GAK: variants seen among roughly 807,000 people sequenced by gnomAD.
GAK encodes cyclin G associated kinase.
A neutral mutation model predicts 143.9 loss-of-function variants in GAK; 79 were observed. That is an observed-to-expected ratio of 0.55 (90% confidence interval 0.46 to 0.66). The LOEUF (loss-of-function observed/expected upper bound fraction) is 0.66. Ranked by LOEUF, GAK falls within the 30% of genes least tolerant of loss-of-function variation. GAK has a pLI of 0.00. For synonymous variants in GAK, 881 were observed against 765.5 expected, an observed-to-expected ratio of 1.15 and a Z score of -2.49; for missense variants, 1,693 against 1,779.7, an observed-to-expected ratio of 0.95 and a Z score of 0.88.
intron 24 of GAK, among the ~76,000 whole-genome samples, chr4:858,492 C>T (rs28569223): frequency 6.2e-4 from 95 of 152,314 alleles, no homozygotes; most frequent in African/African-American, 2.1e-3. Flanking sequence ...CCCGAGGGCA[C>T]GGCCCTCGCA....
chr4:910,667 C>T (rs1405745784), intron 4 of GAK, among the ~76,000 whole-genome samples: 2 of 152,116 alleles, frequency 1.3e-5, no homozygotes, highest in Non-Finnish European at 1.5e-5. Context: ...TACAGGTGCC[C>T]TCCCCACAGG....
At chr4:891,942 C>G (rs1717755269) in intron 9 of GAK, among the ~76,000 whole-genome samples, 1 of 152,188 alleles carries the variant, frequency 6.6e-6, no homozygotes, top group Admixed American at 6.5e-5. Flanking sequence ...GCTTCCAGCA[C>G]CCAGCACCAG....
intron 5 of GAK, among the ~76,000 whole-genome samples, chr4:901,824 A>C (rs1719925200): frequency 6.6e-6 from 1 of 152,216 alleles, no homozygotes; most frequent in Non-Finnish European, 1.5e-5. Context: ...GCCGCTCCCG[A>C]TTAGCGAGGT....
At position 856,463 on chromosome 4, in the gene GAK, C is replaced by T. The variant is rs187123669; in HGVS notation, c.3283+3143G>A. The stretch of plus-strand genomic sequence containing the variant: ...CACAGCTGCTCACTACAGCTGCTCA[C>T]CACAGCTGCTCACCACCACAGCTGC... On this transcript the variant is annotated intron_variant, in intron 24 of 27. Coordinates refer to ENST00000314167, the MANE Select transcript of GAK (RefSeq NM_005255.4). Among the ~76,000 whole-genome samples the T allele has an allele frequency of 5.1e-4, 76 of 148,360 alleles. No individual in the cohort carries two copies. The Middle Eastern group carries it at 0.03, about 58-fold the overall frequency.
At chr4:912,645 C>T in intron 3 of GAK, 90 bp downstream of exon 3, 2 of 991,706 alleles carry the variant, frequency 2.0e-6, no homozygotes, top group Non-Finnish European at 3.1e-6. Flanking sequence ...CGTCACGGAG[C>T]AGCCTCTTGG....
intron 7 of GAK, among the ~76,000 whole-genome samples, chr4:895,300 A>C (rs1338619332): frequency 1.3e-5 from 2 of 152,252 alleles, no homozygotes; most frequent in Non-Finnish European, 2.9e-5. Context: ...GAGCCCAGAG[A>C]AGGGACTGGT....
At chr4:856,957 GCTGA>G (rs1486608085) in intron 24 of GAK, among the ~76,000 whole-genome samples, 16 of 152,224 alleles carry the variant, frequency 1.1e-4, no homozygotes, top group Admixed American at 3.3e-4. Context: ...CATAAAAGGT[GCTGA>G]CTTTCTGAAT....
intron 4 of GAK, among the ~76,000 whole-genome samples, chr4:906,182 C>T (rs377188782): frequency 9.2e-5 from 14 of 152,208 alleles, no homozygotes; most frequent in South Asian, 8.3e-4. Context: ...GCAGCCGAGC[C>T]GGCGAGCCGT....
chr4:871,960 C>T (rs1357353019), intron 18 of GAK, among the ~76,000 whole-genome samples: 1 of 152,144 alleles, frequency 6.6e-6, no homozygotes, highest in Non-Finnish European at 1.5e-5. Context: ...ATGTTATACA[C>T]CTAAGAAAAT....
At chr4:852,390 A>G (rs1038379469) in intron 24 of GAK, 9 of 225,870 alleles carry the variant, frequency 4.0e-5, no homozygotes, top group Middle Eastern at 1.6e-3. Flanking sequence ...GGCCACCACC[A>G]TCTGTCACGT....
intron 1 of GAK, among the ~76,000 whole-genome samples, chr4:923,710 C>G (rs1478618636): frequency 2.6e-5 from 4 of 151,930 alleles, no homozygotes; most frequent in Non-Finnish European, 5.9e-5. Flanking sequence ...AGTGGAGGCA[C>G]AGAGACATCA....
chr4:903,419 C>A (rs924494991), intron 5 of GAK, among the ~76,000 whole-genome samples: 27 of 152,174 alleles, frequency 1.8e-4, no homozygotes, highest in Non-Finnish European at 2.9e-4. Flanking sequence ...GGGGTCCGGC[C>A]CCCGACCCCA....
At chr4:891,853 T>C (rs1003754526) in intron 9 of GAK, among the ~76,000 whole-genome samples, 1 of 152,136 alleles carries the variant, frequency 6.6e-6, no homozygotes, top group Non-Finnish European at 1.5e-5. Flanking sequence ...TGCCGCTCTC[T>C]GACAGCCCCA....
chr4:911,350 A>G (rs1386073615), intron 4 of GAK, among the ~76,000 whole-genome samples: 2 of 151,980 alleles, frequency 1.3e-5, no homozygotes, highest in Admixed American at 6.5e-5. Flanking sequence ...CACCCCTGCT[A>G]AACACCACTC....
chr4:882,845 G>A lies in GAK; in HGVS notation c.1405-26C>T, dbSNP rs956016148. The A allele has an allele frequency of 2.1e-5, 34 of 1,600,318 alleles. No homozygotes were observed. In the Admixed American group the frequency reaches 2.5e-4, roughly 12 times the overall value. ...CTGTGGGGACAGGGCACGGTGGCAC[G>A]GACGGCAGAGGAGCCCCGCCCCAGC... On this transcript the variant is annotated intron_variant, in intron 13 of 27. Coordinates refer to ENST00000314167, the MANE Select transcript of GAK (RefSeq NM_005255.4).
Position 932,256 on chromosome 4 carries a change from C to G in GAK, c.-69G>C. ...CTCGGGCTCCCGCTCCCTCGCCGTC[C>G]GGGTCAGCTCAGCAACCGCCGGCCC... On this transcript the variant is annotated 5_prime_UTR_variant, in exon 1 of 28. Coordinates refer to ENST00000314167, the MANE Select transcript of GAK (RefSeq NM_005255.4). The surrounding 1 kb of genome is among the most constrained non-coding windows in gnomAD (Gnocchi z 4.0). The G allele has an allele frequency of 6.9e-7, 1 of 1,444,308 alleles. No individual in the cohort carries two copies. Among genetic ancestry groups the G allele is most frequent in the Non-Finnish European group, 9.0e-7 (1 of 1,105,884 alleles). 89.5% of individuals were successfully genotyped at this position (1,444,308 alleles called of 1,614,324 possible). A position where few individuals can be genotyped will look rare whatever the true frequency, so the allele number is the denominator to read the frequency against.
intron 1 of GAK, among the ~76,000 whole-genome samples, chr4:916,360 T>A (rs548198040): frequency 6.6e-6 from 1 of 152,242 alleles, no homozygotes; most frequent in South Asian, 2.1e-4. Context: ...GCTCAAGTGA[T>A]CCTCCCACCT....
intron 11 of GAK, among the ~76,000 whole-genome samples, chr4:885,159 C>T (rs982776845): frequency 6.6e-6 from 1 of 152,128 alleles, no homozygotes; most frequent in African/African-American, 2.4e-5. Context: ...TGCGGGTCTT[C>T]CAAAGCAACA....
intron 1 of GAK, among the ~76,000 whole-genome samples, chr4:916,375 T>G (rs1723092217): frequency 6.6e-6 from 1 of 152,154 alleles, no homozygotes; most frequent in African/African-American, 2.4e-5. Flanking sequence ...CCACCTCAGC[T>G]TCCCAAGAAG....
Sources: gnomAD v4.1 joint callset for allele counts (sites outside exome capture counted in the v4.1 genomes callset) on GRCh38, gnomAD v4.1.1 for gene constraint, Gnocchi (gnomAD v3.1) non-coding constraint, MANE v1.5 for transcripts, NCBI Gene and HGNC (gene_info 2026-07-23, HGNC 2026-07-21) for gene names.